Variants in KAZN observed in about 807,000 individuals in gnomAD.
KAZN encodes the protein kazrin.
Under a neutral mutation model 87.4 loss-of-function variants are expected in KAZN, and 40 were observed. That is an observed-to-expected ratio of 0.46 (90% CI 0.36 to 0.60). KAZN has a LOEUF of 0.60. KAZN is among the 20% of genes least tolerant of loss of function. The pLI, the probability that KAZN is intolerant of heterozygous loss-of-function variation, is 0.00. For missense variants in KAZN, 898 were observed against 1,073.9 expected, an observed-to-expected ratio of 0.84 and a Z score of 2.29; for synonymous variants, 466 against 458.3, an observed-to-expected ratio of 1.02 and a Z score of -0.22.
chr1:13,985,158 A>AT (rs951365073), intron 1 of KAZN, among the ~76,000 whole-genome samples: 52 of 150,188 alleles, frequency 3.5e-4, no homozygotes, highest in Admixed American at 3.3e-4. Flanking sequence ...ATCTAGGGAA[A>AT]TTTTTTTTTT....
intron 2 of KAZN, among the ~76,000 whole-genome samples, chr1:14,472,890 G>A (rs1049688142): frequency 2.6e-5 from 4 of 152,078 alleles, no homozygotes; most frequent in African/African-American, 9.7e-5. Context: ...TTAGATATGG[G>A]CCCTCCCTTA....
At chr1:14,908,925 G>A (rs1013041099) in intron 1 of KAZN, among the ~76,000 whole-genome samples, 8 of 152,150 alleles carry the variant, frequency 5.3e-5, no homozygotes, top group African/African-American at 1.9e-4. Context: ...TGAGGTTGCA[G>A]TGAGCTGAGA....
intron 2 of KAZN, among the ~76,000 whole-genome samples, chr1:14,420,612 C>T (rs532530108): frequency 2.6e-5 from 4 of 152,244 alleles, no homozygotes; most frequent in Non-Finnish European, 5.9e-5. Flanking sequence ...TGGGGAGGCT[C>T]AGGCATGGCC....
chr1:14,193,941 A>G (rs1350150959), intron 2 of KAZN, among the ~76,000 whole-genome samples: 1 of 152,100 alleles, frequency 6.6e-6, no homozygotes, highest in Non-Finnish European at 1.5e-5. Context: ...GCTGATGCCA[A>G]CATCACGCAT....
intron 1 of KAZN, among the ~76,000 whole-genome samples, chr1:14,100,228 C>G (rs556287515): frequency 1.1e-4 from 16 of 152,298 alleles, no homozygotes; most frequent in Non-Finnish European, 1.9e-4. Flanking sequence ...TTAAATCCCC[C>G]ACTTGAGGTG....
chr1:14,794,219 G>A (rs761659679), intron 1 of KAZN, among the ~76,000 whole-genome samples: 7 of 152,152 alleles, frequency 4.6e-5, no homozygotes, highest in African/African-American at 1.7e-4. Context: ...CATGGAAAGC[G>A]CAGTGGGGAT....
chr1:14,197,103 C>G (rs937504862), intron 2 of KAZN, among the ~76,000 whole-genome samples: 2 of 151,786 alleles, frequency 1.3e-5, no homozygotes, highest in African/African-American at 4.8e-5. Flanking sequence ...GGAATGAGTT[C>G]AGGAAAGAAT....
At chr1:14,372,637 G>A (rs560530593) in intron 2 of KAZN, among the ~76,000 whole-genome samples, 27 of 152,226 alleles carry the variant, frequency 1.8e-4, no homozygotes, top group Non-Finnish European at 3.8e-4. Flanking sequence ...TAAAATAACG[G>A]GAATATTCAG....
intron 2 of KAZN, among the ~76,000 whole-genome samples, chr1:15,033,531 G>A (rs1308458266): frequency 6.6e-6 from 1 of 152,194 alleles, no homozygotes; most frequent in East Asian, 1.9e-4. Flanking sequence ...TCACATTCCT[G>A]CCAGCAGTGC....
intron 2 of KAZN, among the ~76,000 whole-genome samples, chr1:15,025,952 C>A (rs992620116): frequency 6.6e-5 from 10 of 152,148 alleles, no homozygotes; most frequent in Admixed American, 6.6e-4. Context: ...GTGACGAGAA[C>A]CTGATTAACC....
intron 2 of KAZN, among the ~76,000 whole-genome samples, chr1:14,329,357 C>CA (rs1656681713): frequency 6.6e-6 from 1 of 152,140 alleles, no homozygotes; most frequent in African/African-American, 2.4e-5. Context: ...ACCACATAAA[C>CA]AGAGAGTGTG....
intron 2 of KAZN, among the ~76,000 whole-genome samples, chr1:14,496,517 T>A (rs533902172): frequency 6.6e-6 from 1 of 152,072 alleles, no homozygotes; most frequent in East Asian, 1.9e-4. Context: ...GGTGTTTCCT[T>A]TGGAGACAAG....
chr1:14,579,835 G>C (rs571940648), intron 2 of KAZN, among the ~76,000 whole-genome samples: 1 of 152,218 alleles, frequency 6.6e-6, no homozygotes, highest in South Asian at 2.1e-4. Flanking sequence ...CTGTGAAAAG[G>C]CTCTTCTCTA....
intron 2 of KAZN, among the ~76,000 whole-genome samples, chr1:14,333,524 T>G (rs1344754524): frequency 6.6e-6 from 1 of 152,192 alleles, no homozygotes; most frequent in East Asian, 1.9e-4. Context: ...ACCTACTATT[T>G]GCCACACTAT....
At position 13,910,870 on chromosome 1, in the gene KAZN, A is replaced by T. The variant is rs114937531; in HGVS notation, c.91+17114A>T. On this transcript the variant is annotated intron_variant, in intron 1 of 16. Coordinates refer to the KAZN transcript ENST00000636203. ...AATACCTGAGACTGGGTAATTTATA[A>T]AGAAAAGGGGTTTTATTGGCTCACA... 8.4e-3 allele frequency among the ~76,000 whole-genome samples: 1,277 copies of T among 152,118 alleles called. 16 individuals are homozygous for T. The highest frequency in any genetic ancestry group is 0.028 in the African/African-American group (1,173 of 41,488).
chr1:13,942,588 C>A (rs911243621), intron 1 of KAZN, among the ~76,000 whole-genome samples: 2 of 148,526 alleles, frequency 1.3e-5, no homozygotes. Context: ...ATATATAATT[C>A]ACCAACACCT....
chr1:14,396,585 G>A (rs1662920912), intron 2 of KAZN, among the ~76,000 whole-genome samples: 1 of 152,188 alleles, frequency 6.6e-6, no homozygotes, highest in Non-Finnish European at 1.5e-5. Flanking sequence ...AATTAGCTTG[G>A]CTCTGCCAAC....
intron 2 of KAZN, among the ~76,000 whole-genome samples, chr1:14,239,106 A>T (rs1648689169): frequency 6.6e-6 from 1 of 152,214 alleles, no homozygotes; most frequent in Admixed American, 6.5e-5. Flanking sequence ...CATGTTCTCC[A>T]GTCAAAAAGA....
In KAZN at chr1:14,963,874, G is replaced by A. The variant is rs556319063; in HGVS notation, c.418+2999G>A. Among the ~76,000 whole-genome samples, 4 of 152,164 alleles carry A rather than the reference G, an allele frequency of 2.6e-5. 1 individual carries two copies. The highest frequency in any genetic ancestry group is 4.1e-4 in the South Asian group (2 of 4,822). ...TTGACTCCCACTTATGAGTGAGAAC[G>A]TGTGGTGTTTGGTTTTCTGTTCCTG... On this transcript the variant is annotated intron_variant, in intron 2 of 14. Transcript: ENST00000376030.
Sources: allele counts gnomAD v4.1 joint callset (sites outside exome capture counted in the v4.1 genomes callset), GRCh38; gene constraint gnomAD v4.1.1; transcripts MANE v1.5; gene names NCBI Gene and HGNC (gene_info 2026-07-23, HGNC 2026-07-21).